The following WDR27 variants were observed in gnomAD, a reference collection of about 807,000 sequenced individuals.
WDR27 encodes WD repeat domain 27.
A neutral mutation model predicts 114.4 loss-of-function variants in WDR27; 100 were observed. The observed-to-expected ratio is 0.87, with a 90% confidence interval of 0.74 to 1.03. The LOEUF is 1.03. Ranked by LOEUF, WDR27 falls within the 50% of genes least tolerant of loss-of-function variation. The probability of loss-of-function intolerance (pLI) is 0.00; values close to 1 mark genes in which losing one functional copy is unlikely to be tolerated. For synonymous variants in WDR27, 449 were observed against 423.1 expected (o/e 1.06, Z -0.75); for missense variants, 1,129 against 1,092.9 (o/e 1.03, Z -0.47).
intron 25 of WDR27, among the ~76,000 whole-genome samples, chr6:169,494,432 G>T (rs1429306993): frequency 6.6e-6 from 1 of 152,078 alleles, no homozygotes; most frequent in African/African-American, 2.4e-5. Context: ...ACCACTATAA[G>T]ACTGGCAGTG....
Position 169,527,378 on chromosome 6 carries a change from C to T in WDR27, c.2645+45041G>A, listed in dbSNP as rs148798107. ...TAAGCTGCATAAAAGAGGTCAGACA[C>T]AAAAGGCCACATATTGTAACATGTC... On this transcript the variant is annotated intron_variant, in intron 25 of 25. Coordinates refer to ENST00000448612, the MANE Select transcript of WDR27 (RefSeq NM_182552.5). Among the ~76,000 whole-genome samples the T allele has an allele frequency of 3.4e-3, 507 of 151,282 alleles. 2 individuals are homozygous for T. Among genetic ancestry groups the T allele is most frequent in the African/African-American group, 0.011 (475 of 41,474 alleles).
intron 9 of WDR27, 27 bp downstream of exon 9, chr6:169,662,277 G>A: frequency 1.2e-6 from 2 of 1,608,600 alleles, no homozygotes; most frequent in Non-Finnish European, 1.7e-6. Context: ...TCCTTTATGT[G>A]GCATAGGCAA....
chr6:169,435,641 G>A, the WDR27 span, among the ~76,000 whole-genome samples: 17 of 152,198 alleles, frequency 1.1e-4, no homozygotes, highest in South Asian at 2.1e-4. Flanking sequence ...TTGTTTTACC[G>A]GTTTCTTCCA....
In WDR27 at chr6:169,580,954, CAT is replaced by C. The variant is rs71010607; in HGVS notation, c.2523+1880_2523+1881del. 6.8e-5 allele frequency among the ~76,000 whole-genome samples: 6 copies of C among 88,514 alleles called. 1 individual carries two copies. The highest frequency in any genetic ancestry group is 1.9e-4 in the African/African-American group (6 of 32,054). The allele number at this position is 88,514 out of a possible 152,430, so 58.1% of individuals were successfully genotyped here. ...AATTTTATATATATATATATATATA[CAT>C]ATATATATATATAAATTCGGTATAT... On this transcript the variant is annotated intron_variant, in intron 24 of 25. Coordinates refer to ENST00000448612, the MANE Select transcript of WDR27 (RefSeq NM_182552.5).
chr6:169,504,045 A>G (rs1791687000), intron 25 of WDR27, among the ~76,000 whole-genome samples: 1 of 152,196 alleles, frequency 6.6e-6, no homozygotes, highest in African/African-American at 2.4e-5. Flanking sequence ...TTTACAATTC[A>G]TAAAAAATCG....
chr6:169,688,047 T>A (rs553415930), intron 2 of WDR27, among the ~76,000 whole-genome samples: 31 of 152,334 alleles, frequency 2.0e-4, no homozygotes, highest in African/African-American at 7.2e-4. Context: ...ATAAGTAGAA[T>A]GTAATTCTAT....
At chr6:169,688,552 T>C (rs1409971033) in intron 2 of WDR27, among the ~76,000 whole-genome samples, 1 of 152,190 alleles carries the variant, frequency 6.6e-6, no homozygotes, top group African/African-American at 2.4e-5. Context: ...CTTGATTATG[T>C]TAAGATGAAC....
intron 25 of WDR27, among the ~76,000 whole-genome samples, chr6:169,507,697 GAAT>G: frequency 6.6e-6 from 1 of 152,284 alleles, no homozygotes; most frequent in Non-Finnish European, 1.5e-5. Context: ...CAGTAGATAA[GAAT>G]AATGTTTATA....
At chr6:169,615,607 C>G (rs1407902354) in intron 21 of WDR27, among the ~76,000 whole-genome samples, 2 of 152,182 alleles carry the variant, frequency 1.3e-5, no homozygotes. Context: ...TGGACCCCTT[C>G]CTTACACCAT....
At chr6:169,486,474 G>A (rs976261390) in intron 25 of WDR27, among the ~76,000 whole-genome samples, 2 of 151,768 alleles carry the variant, frequency 1.3e-5, no homozygotes, top group East Asian at 3.9e-4. Context: ...AGGAGGCAGG[G>A]TTATTTATAT....
chr6:169,616,849 T>G (rs969096047), intron 21 of WDR27, among the ~76,000 whole-genome samples: 7 of 152,004 alleles, frequency 4.6e-5, no homozygotes, highest in Admixed American at 4.6e-4. Flanking sequence ...TGACCAAAAA[T>G]TAACTCATGT....
chr6:169,633,857 T>C (rs1342292802), intron 20 of WDR27, among the ~76,000 whole-genome samples: 1 of 152,228 alleles, frequency 6.6e-6, no homozygotes, highest in Admixed American at 6.5e-5. Context: ...GAAAACATAC[T>C]GCAACCTCCT....
the WDR27 span, among the ~76,000 whole-genome samples, chr6:169,433,425 CT>C: frequency 6.6e-6 from 1 of 152,152 alleles, no homozygotes; most frequent in Non-Finnish European, 1.5e-5. Context: ...AGAAATCATT[CT>C]TTTTTATGGC....
chr6:169,682,978 C>G (rs1445987002), intron 2 of WDR27, among the ~76,000 whole-genome samples: 1 of 151,944 alleles, frequency 6.6e-6, no homozygotes, highest in African/African-American at 2.4e-5. Flanking sequence ...AAGAAAGAAT[C>G]AGTGAGCTCA....
chr6:169,654,924 G>A (rs1052038713), intron 13 of WDR27, among the ~76,000 whole-genome samples: 2 of 152,216 alleles, frequency 1.3e-5, no homozygotes, highest in Admixed American at 6.5e-5. Context: ...GTGACAGTGC[G>A]GGATCATCAT....
chr6:169,655,878 G>A (rs946707484), intron 13 of WDR27, among the ~76,000 whole-genome samples: 5 of 152,096 alleles, frequency 3.3e-5, no homozygotes, highest in Non-Finnish European at 5.9e-5. Context: ...CGCCAACCAC[G>A]CCCAGCTAAT....
At chr6:169,469,345 G>A (rs1022344795) in intron 25 of WDR27, among the ~76,000 whole-genome samples, 19 of 152,310 alleles carry the variant, frequency 1.2e-4, no homozygotes, top group African/African-American at 3.6e-4. Context: ...TCCCAAAAGG[G>A]AGAAACAGGA....
At chr6:169,606,175 C>A (rs1270719496) in intron 22 of WDR27, among the ~76,000 whole-genome samples, 2 of 151,994 alleles carry the variant, frequency 1.3e-5, no homozygotes, top group Admixed American at 1.3e-4. Context: ...GGAAAACCTG[C>A]AGAATGGGGG....
intron 1 of WDR27, among the ~76,000 whole-genome samples, chr6:169,699,676 T>A (rs1585257892): frequency 6.6e-6 from 1 of 151,638 alleles, no homozygotes; most frequent in Admixed American, 6.6e-5. Context: ...GGACTAAGGG[T>A]AGAATCAAGG....
Sources: gnomAD v4.1 joint callset for allele counts (sites outside exome capture counted in the v4.1 genomes callset) on GRCh38, gnomAD v4.1.1 for gene constraint, MANE v1.5 for transcripts, NCBI Gene and HGNC (gene_info 2026-07-23, HGNC 2026-07-21) for gene names.